CNTN5: variants seen among roughly 807,000 people sequenced by gnomAD.
The protein encoded by CNTN5 is contactin 5.
In CNTN5, 77 loss-of-function variants were observed where a neutral mutation model predicts 129.1. The ratio of observed to expected loss-of-function variants is 0.60; its 90% confidence interval spans 0.50 to 0.72. The LOEUF (loss-of-function observed/expected upper bound fraction) is 0.72, where lower values mean the gene tolerates loss of function less well. Ranked by LOEUF, CNTN5 falls within the 30% of genes least tolerant of loss-of-function variation. The pLI is 0.00. For synonymous variants in CNTN5, 509 were observed against 465.6 expected (o/e 1.09, Z -1.20); for missense variants, 1,478 against 1,328.8 (o/e 1.11, Z -1.75).
chr11:99,601,469 T>A (rs183934967), intron 3 of CNTN5, among the ~76,000 whole-genome samples: 22 of 152,254 alleles, frequency 1.4e-4, no homozygotes, highest in South Asian at 4.2e-4. Flanking sequence ...GATCCTTAAA[T>A]CACACCTTCT....
intron 1 of CNTN5, among the ~76,000 whole-genome samples, chr11:99,053,725 G>A (rs1421168937): frequency 5.9e-5 from 9 of 151,968 alleles, no homozygotes; most frequent in Non-Finnish European, 1.0e-4. Context: ...GCAGGTAATA[G>A]AGGATGATAT....
intron 1 of CNTN5, among the ~76,000 whole-genome samples, chr11:99,135,122 G>C (rs1344892897): frequency 6.6e-6 from 1 of 152,128 alleles, no homozygotes; most frequent in Non-Finnish European, 1.5e-5. Flanking sequence ...TTCATTCATT[G>C]ATTTATGCAT....
At chr11:99,260,439 A>G (rs1341276262) in intron 1 of CNTN5, among the ~76,000 whole-genome samples, 4 of 151,898 alleles carry the variant, frequency 2.6e-5, no homozygotes, top group Admixed American at 1.3e-4. Flanking sequence ...CTGCTAAAAT[A>G]TAGAAAGGGT....
At chr11:100,128,448 T>G (rs1442577647) in intron 13 of CNTN5, among the ~76,000 whole-genome samples, 1 of 152,160 alleles carries the variant, frequency 6.6e-6, no homozygotes. Flanking sequence ...CCAGAACCTG[T>G]AAGTATGTCA....
intron 2 of CNTN5, among the ~76,000 whole-genome samples, chr11:99,478,239 G>GT (rs1413246849): frequency 6.6e-6 from 1 of 152,038 alleles, no homozygotes; most frequent in South Asian, 2.1e-4. Flanking sequence ...GGTTTTATCT[G>GT]AAGACTCAGT....
chr11:99,413,781 G>A (rs1473519779), intron 2 of CNTN5, among the ~76,000 whole-genome samples: 1 of 152,084 alleles, frequency 6.6e-6, no homozygotes, highest in Admixed American at 6.5e-5. Flanking sequence ...TCTTATAGGT[G>A]TTTATAAAGT....
chr11:99,328,661 G>A (rs935281590), intron 2 of CNTN5, among the ~76,000 whole-genome samples: 2 of 151,648 alleles, frequency 1.3e-5, no homozygotes, highest in South Asian at 2.1e-4. Context: ...ACCTGAGGTC[G>A]GGAGTTTGAG....
intron 8 of CNTN5, among the ~76,000 whole-genome samples, chr11:99,988,182 C>A (rs1938814940): frequency 1.3e-5 from 2 of 152,186 alleles, no homozygotes; most frequent in African/African-American, 4.8e-5. Context: ...TCTTGTATCT[C>A]AAATATGAGT....
At chr11:99,452,519 C>T (rs1450038231) in intron 2 of CNTN5, among the ~76,000 whole-genome samples, 6 of 151,862 alleles carry the variant, frequency 4.0e-5, no homozygotes, top group African/African-American at 7.2e-5. Context: ...ACTACAGGTG[C>T]CCGCCACCAC....
At chr11:99,758,277 C>T (rs958977121) in intron 3 of CNTN5, among the ~76,000 whole-genome samples, 3 of 151,938 alleles carry the variant, frequency 2.0e-5, no homozygotes, top group Non-Finnish European at 4.4e-5. Flanking sequence ...TTCAACCAAT[C>T]AACAGCTATT....
At chr11:100,129,223 C>T (rs1283810680) in intron 13 of CNTN5, among the ~76,000 whole-genome samples, 7 of 152,062 alleles carry the variant, frequency 4.6e-5, no homozygotes, top group Non-Finnish European at 1.0e-4. Flanking sequence ...ATATAGCGTG[C>T]GTTATGCCAG....
chr11:99,352,766 CT>C (rs1299033745), intron 2 of CNTN5, among the ~76,000 whole-genome samples: 3 of 152,092 alleles, frequency 2.0e-5, no homozygotes, highest in African/African-American at 7.2e-5. Context: ...CTTATATAAC[CT>C]TGTGTTGAAA....
intron 20 of CNTN5, among the ~76,000 whole-genome samples, chr11:100,300,763 C>T (rs910931952): frequency 2.0e-5 from 3 of 151,462 alleles, no homozygotes; most frequent in Admixed American, 1.3e-4. Context: ...CAAGTAATGG[C>T]AAGGAACTAG....
chr11:99,503,665 G>A lies in CNTN5; in HGVS notation c.-70-52480G>A, dbSNP rs576743738. Among the ~76,000 whole-genome samples, 29 of 152,156 alleles carry A rather than the reference G, an allele frequency of 1.9e-4. No individual in the cohort carries two copies. In the South Asian group the frequency reaches 2.9e-3, roughly 15 times the overall value. ...ACCTGGGTCTTTTATTTTGTCATCC[G>A]CAGCTTCTAATAATACTGTTCCAGG... On this transcript the variant is annotated intron_variant, in intron 2 of 24. Coordinates refer to ENST00000524871, the MANE Select transcript of CNTN5 (RefSeq NM_014361.4).
At chr11:99,566,789 T>G (rs1949019564) in intron 3 of CNTN5, among the ~76,000 whole-genome samples, 1 of 152,210 alleles carries the variant, frequency 6.6e-6, no homozygotes, top group South Asian at 2.1e-4. Flanking sequence ...ATTATTAGTA[T>G]TTATTCTTAG....
chr11:99,589,953 C>T (rs1484151310), intron 3 of CNTN5, among the ~76,000 whole-genome samples: 1 of 152,100 alleles, frequency 6.6e-6, no homozygotes, highest in Admixed American at 6.5e-5. Flanking sequence ...CACACACTAT[C>T]TAAACAATGA....
chr11:99,220,822 A>T (rs1860363260), intron 1 of CNTN5, among the ~76,000 whole-genome samples: 1 of 151,948 alleles, frequency 6.6e-6, no homozygotes, highest in Admixed American at 6.6e-5. Flanking sequence ...GCAATACAAA[A>T]GTATAAATGT....
chr11:99,787,796 C>A (rs940668153), intron 3 of CNTN5, among the ~76,000 whole-genome samples: 19 of 151,920 alleles, frequency 1.3e-4, no homozygotes, highest in African/African-American at 4.6e-4. Context: ...TAATACACAA[C>A]TTAAAATCTC....
intron 12 of CNTN5, 119 bp from the exon 13 acceptor site, chr11:100,074,025 A>G: frequency 2.3e-6 from 2 of 859,430 alleles, no homozygotes; most frequent in Admixed American, 5.8e-5. Flanking sequence ...ATGTGTAGAT[A>G]TACTATGATT....
Sources: gnomAD v4.1 joint callset for allele counts (sites outside exome capture counted in the v4.1 genomes callset) on GRCh38, gnomAD v4.1.1 for gene constraint, MANE v1.5 for transcripts, NCBI Gene and HGNC (gene_info 2026-07-23, HGNC 2026-07-21) for gene names.